Variants in ORC3 observed in about 807,000 individuals in gnomAD.
ORC3 encodes the protein origin recognition complex subunit 3, also known as homolog of latheo, Drosophila.
ORC3 carries 78 observed loss-of-function variants against 100.7 expected under a neutral mutation model. The ratio of observed to expected loss-of-function variants is 0.77; its 90% CI spans 0.65 to 0.94. ORC3 has a LOEUF of 0.94. Among genes scored for constraint, ORC3 ranks in the 40% least tolerant of loss-of-function variants. ORC3 has a pLI of 0.00. For synonymous variants in ORC3, 295 were observed against 289.3 expected, an observed-to-expected ratio of 1.02 and a Z score of -0.20; for missense variants, 789 against 823.9, an observed-to-expected ratio of 0.96 and a Z score of 0.52.
In ORC3 at chr6:87,667,017, G is replaced by A; in HGVS notation, c.2031-1G>A. The A allele has an allele frequency of 6.3e-7, 1 of 1,596,666 alleles. No individual in the cohort carries two copies. The highest frequency in any genetic ancestry group is 8.5e-7 in the Non-Finnish European group (1 of 1,170,926). ...CCAGTTTCCTTAATTAAAGCCTCCAGTGCTCGGTTTATTAGAGCTGTTTCT... is the reference window on the plus strand; with the variant it reads ...CCAGTTTCCTTAATTAAAGCCTCCAATGCTCGGTTTATTAGAGCTGTTTCT... On this transcript the variant is annotated splice_acceptor_variant, in intron 19 of 19. Transcript: ENST00000392844. LOFTEE classifies it high-confidence loss of function.
intron 1 of ORC3, among the ~76,000 whole-genome samples, chr6:87,591,880 C>T (rs1777032262): frequency 6.6e-6 from 1 of 152,044 alleles, no homozygotes; most frequent in Admixed American, 6.6e-5. Context: ...TACAGACATG[C>T]CCCACTACAC....
At chr6:87,667,699 C>T (rs550333601), downstream of ORC3, among the ~76,000 whole-genome samples, 22 of 151,962 alleles carry the variant, frequency 1.4e-4, no homozygotes, top group Non-Finnish European at 2.5e-4. Flanking sequence ...GAGGCCAAGG[C>T]GGGTGGATCA....
intron 18 of ORC3, among the ~76,000 whole-genome samples, chr6:87,665,178 CTGTTA>C (rs1562388469): frequency 2.0e-5 from 3 of 152,106 alleles, no homozygotes; most frequent in African/African-American, 7.2e-5. Flanking sequence ...TAGGTCAGTT[CTGTTA>C]TTTCACAAAA....
intron 11 of ORC3, among the ~76,000 whole-genome samples, chr6:87,633,217 T>C (rs1318902184): frequency 6.6e-6 from 1 of 152,220 alleles, no homozygotes; most frequent in Non-Finnish European, 1.5e-5. Context: ...TTCTTCAAAA[T>C]ATTCCCCCTG....
At chr6:87,632,067 G>A (rs1201719019) in intron 11 of ORC3, among the ~76,000 whole-genome samples, 1 of 152,108 alleles carries the variant, frequency 6.6e-6, no homozygotes, top group Non-Finnish European at 1.5e-5. Flanking sequence ...AGGAGGCTGA[G>A]GCAGGAGAAC....
chr6:87,666,163 C>T (rs1446735969), intron 19 of ORC3, among the ~76,000 whole-genome samples: 4 of 152,088 alleles, frequency 2.6e-5, no homozygotes, highest in Non-Finnish European at 4.4e-5. Flanking sequence ...GACGGAGTCT[C>T]GTCTATCGCC....
intron 11 of ORC3, among the ~76,000 whole-genome samples, chr6:87,628,032 T>C (rs1363136912): frequency 6.6e-6 from 1 of 152,228 alleles, no homozygotes; most frequent in African/African-American, 2.4e-5. Context: ...GAACTATATG[T>C]CAGCTTTGAA....
intron 2 of ORC3, among the ~76,000 whole-genome samples, chr6:87,598,469 T>C (rs1421506527): frequency 6.6e-6 from 1 of 152,240 alleles, no homozygotes; most frequent in African/African-American, 2.4e-5. Context: ...CCAACCTGTC[T>C]GATTCCAGAG....
intron 16 of ORC3, among the ~76,000 whole-genome samples, chr6:87,660,208 T>C (rs1770076842): frequency 2.0e-5 from 3 of 152,348 alleles, no homozygotes; most frequent in Admixed American, 6.5e-5. Flanking sequence ...TGAGCAGTTG[T>C]TGAAATAATG....
At chr6:87,641,420 T>C (rs1373660374) in intron 13 of ORC3, among the ~76,000 whole-genome samples, 8 of 152,210 alleles carry the variant, frequency 5.3e-5, no homozygotes, top group African/African-American at 1.9e-4. Context: ...ATTTATGGTT[T>C]TGTGGCCAGT....
At chr6:87,665,541 C>CT (rs1490175711) in intron 18 of ORC3, among the ~76,000 whole-genome samples, 1 of 152,150 alleles carries the variant, frequency 6.6e-6, no homozygotes, top group Non-Finnish European at 1.5e-5. Flanking sequence ...TCTGCATACT[C>CT]TTAGTTCTCT....
At chr6:87,610,639 C>G (rs1419426758) in intron 7 of ORC3, among the ~76,000 whole-genome samples, 1 of 144,830 alleles carries the variant, frequency 6.9e-6, no homozygotes, top group African/African-American at 2.7e-5. Flanking sequence ...CTGCAAGCTC[C>G]GCTTCCCGGG....
intron 9 of ORC3, 53 bp from the exon 10 acceptor site, chr6:87,621,301 T>C: frequency 7.3e-7 from 1 of 1,372,846 alleles, no homozygotes; most frequent in South Asian, 1.8e-5. Flanking sequence ...TGTAGCGCAA[T>C]AGATTTACTG....
At chr6:87,651,686 G>T (rs937815455) in intron 13 of ORC3, among the ~76,000 whole-genome samples, 2 of 152,010 alleles carry the variant, frequency 1.3e-5, no homozygotes, top group East Asian at 3.9e-4. Flanking sequence ...TCTACTTTTT[G>T]TTGTTGTTGT....
At chr6:87,606,780 C>T (rs1488956922) in intron 5 of ORC3, among the ~76,000 whole-genome samples, 1 of 152,108 alleles carries the variant, frequency 6.6e-6, no homozygotes, top group Non-Finnish European at 1.5e-5. Context: ...TCTTGAACTC[C>T]TGGGCTCAAA....
chr6:87,617,049 T>G (rs1779209086), intron 9 of ORC3, among the ~76,000 whole-genome samples: 1 of 152,196 alleles, frequency 6.6e-6, no homozygotes, highest in Non-Finnish European at 1.5e-5. Context: ...CCACCCACCT[T>G]GGTTCCCAGA....
intron 2 of ORC3, among the ~76,000 whole-genome samples, chr6:87,596,050 A>G (rs972528789): frequency 6.6e-6 from 1 of 150,850 alleles, no homozygotes; most frequent in African/African-American, 2.4e-5. Flanking sequence ...TTTGTTGCCC[A>G]GGTTGGTCCT....
At chr6:87,627,477 G>A (rs998889425) in intron 11 of ORC3, among the ~76,000 whole-genome samples, 2 of 150,390 alleles carry the variant, frequency 1.3e-5, no homozygotes, top group African/African-American at 4.9e-5. Context: ...TGTATTTTTA[G>A]TAGAGACGGG....
At position 87,596,160 on chromosome 6, in the gene ORC3, G is replaced by T. The variant is rs1364496722; in HGVS notation, c.79+1753G>T. On this transcript the variant is annotated intron_variant, in intron 2 of 19. Transcript: ENST00000392844. Reference sequence around the variant, plus strand: ...CAGCCTAATTTGTTTGTTTGTTTTTGTTTTTTTTTTTTGAGACGGAGTCTA... The same window carrying T: ...CAGCCTAATTTGTTTGTTTGTTTTTTTTTTTTTTTTTTGAGACGGAGTCTA... Among the ~76,000 whole-genome samples the T allele has an allele frequency of 7.1e-5, 10 of 140,470 alleles. No individual in the cohort carries two copies. The South Asian group carries it at 1.1e-3, about 16-fold the overall frequency. 92.2% of individuals were successfully genotyped at this position (140,470 alleles called of 152,430 possible). A position where few individuals can be genotyped will look rare whatever the true frequency, so the allele number is the denominator to read the frequency against.
Sources: gnomAD v4.1 joint callset for allele counts (sites outside exome capture counted in the v4.1 genomes callset) on GRCh38, gnomAD v4.1.1 for gene constraint, MANE v1.5 for transcripts, NCBI Gene and HGNC (gene_info 2026-07-23, HGNC 2026-07-21) for gene names.